Variants in MAPK10 observed in about 807,000 individuals in gnomAD.
MAPK10 encodes mitogen-activated protein kinase 10, also known as JNK3 alpha protein kinase.
A neutral mutation model predicts 59.3 loss-of-function variants in MAPK10; 25 were observed. That is an observed-to-expected ratio of 0.42 (90% confidence interval 0.31 to 0.59). The LOEUF is 0.59. MAPK10 is among the 20% of genes least tolerant of loss of function. The pLI is 0.15. For synonymous variants in MAPK10, 190 were observed against 200.5 expected (o/e 0.95, Z 0.44); for missense variants, 351 against 568.9 (o/e 0.62, Z 3.90).
Position 86,304,387 on chromosome 4 carries a change from C to CTTTT in MAPK10, c.-7+50139_-7+50142dup, listed in dbSNP as rs1162506350. On this transcript the variant is annotated intron_variant, in intron 2 of 13. Coordinates refer to ENST00000641462, the MANE Select transcript of MAPK10 (RefSeq NM_138982.4). ...CATTGTGGCTTGTTTTGGAGTATTT[C>CTTTT]TTTTTTTTTTTTTTTTTTTTTTTGA... Among the ~76,000 whole-genome samples, 90 of 112,534 alleles carry CTTTT rather than the reference C, an allele frequency of 8.0e-4. 1 individual carries two copies. Among genetic ancestry groups the CTTTT allele is most frequent in the East Asian group, 1.1e-3 (4 of 3,604 alleles). The allele number at this position is 112,534 out of a possible 152,430, so 73.8% of individuals were successfully genotyped here.
At chr4:86,394,036 C>T (rs556439207) in intron 1 of MAPK10, among the ~76,000 whole-genome samples, 68 of 152,134 alleles carry the variant, frequency 4.5e-4, no homozygotes, top group African/African-American at 1.4e-3. Flanking sequence ...TTTGGGAGGC[C>T]GAGGTAGGCG....
At chr4:86,081,245 C>G (rs1036723435) in intron 9 of MAPK10, 1 of 151,844 alleles carries the variant, frequency 6.6e-6, no homozygotes, top group South Asian at 2.1e-4. Context: ...AAAATCAATT[C>G]CATGTGGACT....
chr4:86,511,480 G>A (rs1412684356), intron 1 of MAPK10, among the ~76,000 whole-genome samples: 1 of 152,024 alleles, frequency 6.6e-6, no homozygotes, highest in Non-Finnish European at 1.5e-5. Flanking sequence ...GTGGGAGGAT[G>A]GCTTGAGCAC....
chr4:86,080,687 C>A (rs188618855), intron 9 of MAPK10: 36 of 152,004 alleles, frequency 2.4e-4, no homozygotes, highest in African/African-American at 8.4e-4. Flanking sequence ...GCAAAAAAAT[C>A]ATAATATTGT....
chr4:86,107,544 G>T (rs1303991284), intron 4 of MAPK10, 192 bp from the exon 5 acceptor site: 2 of 1,206,698 alleles, frequency 1.7e-6, no homozygotes, highest in Non-Finnish European at 2.1e-6. Context: ...ATGCTAGGAG[G>T]ATGAAGAAGA....
chr4:86,047,013 C>A (rs2042616296), intron 11 of MAPK10, among the ~76,000 whole-genome samples: 2 of 152,130 alleles, frequency 1.3e-5, no homozygotes, highest in East Asian at 3.9e-4. Context: ...TAACAGAGTA[C>A]TATTCTATTT....
At chr4:86,425,765 G>T (rs1487034324) in intron 1 of MAPK10, among the ~76,000 whole-genome samples, 1 of 152,192 alleles carries the variant, frequency 6.6e-6, no homozygotes, top group African/African-American at 2.4e-5. Flanking sequence ...ATGAGGCCAG[G>T]AGTTCGAGAG....
intron 2 of MAPK10, among the ~76,000 whole-genome samples, chr4:86,254,828 C>G (rs1260251321): frequency 6.6e-6 from 1 of 151,808 alleles, no homozygotes; most frequent in African/African-American, 2.4e-5. Flanking sequence ...TTGTAGGTCA[C>G]TCAGGACTTA....
At chr4:86,473,709 T>C (rs1752839954) in intron 1 of MAPK10, among the ~76,000 whole-genome samples, 2 of 152,208 alleles carry the variant, frequency 1.3e-5, no homozygotes, top group Non-Finnish European at 1.5e-5. Flanking sequence ...TCCTTGGTTC[T>C]AATGTCCACT....
chr4:86,111,489 G>GTTT (rs1471099491), intron 4 of MAPK10, among the ~76,000 whole-genome samples: 1 of 152,150 alleles, frequency 6.6e-6, no homozygotes, highest in Non-Finnish European at 1.5e-5. Flanking sequence ...ATAATCATGT[G>GTTT]TTTTTTGTCT....
intron 3 of MAPK10, among the ~76,000 whole-genome samples, chr4:86,163,513 C>T (rs918711970): frequency 2.0e-5 from 3 of 152,042 alleles, no homozygotes; most frequent in Admixed American, 6.6e-5. Flanking sequence ...TAGAACAAGA[C>T]AGCAGATTAT....
chr4:86,066,737 A>G (rs1046428196), intron 10 of MAPK10, among the ~76,000 whole-genome samples: 1 of 137,868 alleles, frequency 7.3e-6, no homozygotes, highest in Non-Finnish European at 1.5e-5. Flanking sequence ...CGGGCGACAG[A>G]GCGAGACTCT....
intron 1 of MAPK10, among the ~76,000 whole-genome samples, chr4:86,403,390 C>G (rs1743962875): frequency 6.6e-6 from 1 of 152,042 alleles, no homozygotes; most frequent in Admixed American, 6.6e-5. Context: ...GTGGCACCTG[C>G]CTGTAATTCC....
intron 4 of MAPK10, chr4:86,152,319 G>T (rs1171300200): frequency 6.8e-6 from 1 of 147,276 alleles, no homozygotes; most frequent in African/African-American, 2.6e-5. Flanking sequence ...GAACCCTAAG[G>T]TACATGTATT....
Position 86,067,844 on chromosome 4 carries a change from G to T in MAPK10, c.914C>A (p.Ala305Glu). 1 of 1,613,898 alleles carries T rather than the reference G, an allele frequency of 6.2e-7. No homozygotes were observed. The highest frequency in any genetic ancestry group is 8.5e-7 in the Non-Finnish European group (1 of 1,179,888). The stretch of plus-strand genomic sequence containing the variant: ...GAAGAGTTTGGGGAAGGTGAGTCCC[G>T]CATACTTGGGCCGATTCTCCACATA... Reference protein sequence around the residue: ...RNYVENRPKYAGLTFPKLFPD... With the variant: ...RNYVENRPKYEGLTFPKLFPD... The change falls in exon 10 of 14, where the codon GCG (alanine) becomes GAG (glutamate). Residue 305 changes from alanine (A) to glutamate (E), a missense_variant. Coordinates refer to ENST00000641462, the MANE Select transcript of MAPK10 (RefSeq NM_138982.4).
At chr4:86,300,842 A>G (rs1438145393) in intron 2 of MAPK10, 1 of 151,684 alleles carries the variant, frequency 6.6e-6, no homozygotes, top group Non-Finnish European at 1.5e-5. Flanking sequence ...CTCTCTCTTC[A>G]TGACAACATC....
intron 1 of MAPK10, among the ~76,000 whole-genome samples, chr4:86,419,222 C>G (rs1037753389): frequency 6.6e-6 from 1 of 152,068 alleles, no homozygotes; most frequent in Non-Finnish European, 1.5e-5. Flanking sequence ...GTGTCATTTT[C>G]TAAATGAAAA....
intron 1 of MAPK10, among the ~76,000 whole-genome samples, chr4:86,522,927 C>G (rs998212204): frequency 6.6e-6 from 1 of 152,196 alleles, no homozygotes; most frequent in Non-Finnish European, 1.5e-5. Context: ...AGGAAAAATG[C>G]CAGCACTACC....
At chr4:86,427,526 T>C (rs1231166593) in intron 1 of MAPK10, among the ~76,000 whole-genome samples, 2 of 152,130 alleles carry the variant, frequency 1.3e-5, no homozygotes, top group African/African-American at 2.4e-5. Flanking sequence ...TCTGAATCCA[T>C]AGGACCTAAG....
Sources: gnomAD v4.1 joint callset for allele counts (sites outside exome capture counted in the v4.1 genomes callset) on GRCh38, gnomAD v4.1.1 for gene constraint, MANE v1.5 for transcripts, NCBI Gene and HGNC (gene_info 2026-07-23, HGNC 2026-07-21) for gene names.